GNLY: variants seen among roughly 807,000 people sequenced by gnomAD.
GNLY encodes T-cell activation protein 519.
GNLY carries 15 observed loss-of-function variants against 18.5 expected under a neutral mutation model. The observed-to-expected ratio is 0.81, with a 90% CI of 0.54 to 1.25. GNLY has a LOEUF of 1.25. GNLY is among the 50% of genes most tolerant of loss of function. The pLI, the probability that GNLY is intolerant of heterozygous loss-of-function variation, is 0.00. For synonymous variants in GNLY, 77 were observed against 74.9 expected, an observed-to-expected ratio of 1.03 and a Z score of -0.14; for missense variants, 178 against 186.9, an observed-to-expected ratio of 0.95 and a Z score of 0.28.
chr2:85,697,723 C>T (rs755308594), intron 4 of GNLY, 46 bp downstream of exon 4: 1 of 1,347,130 alleles, frequency 7.4e-7, no homozygotes, highest in South Asian at 1.2e-5. Context: ...GGGTTGGAGA[C>T]AGCTTCCCCC....
intron 1 of GNLY, 184 bp downstream of exon 1, chr2:85,694,654 T>C (rs1678368382): frequency 1.8e-6 from 2 of 1,136,476 alleles, no homozygotes; most frequent in Non-Finnish European, 2.4e-6. Flanking sequence ...CTGCCCAGCC[T>C]GTCACTGGCC....
At chr2:85,698,117 G>C (rs1314699906) in intron 4 of GNLY, among the ~76,000 whole-genome samples, 2 of 152,220 alleles carry the variant, frequency 1.3e-5, no homozygotes, top group Non-Finnish European at 2.9e-5. Context: ...AGGCCCCTGG[G>C]GTCGGGAGCT....
intron 4 of GNLY, among the ~76,000 whole-genome samples, chr2:85,697,987 T>C (rs940112273): frequency 2.0e-5 from 3 of 152,162 alleles, no homozygotes; most frequent in African/African-American, 7.2e-5. Flanking sequence ...ATTTTTGAGA[T>C]TGGAATGAGA....
chr2:85,696,098 T>G, intron 3 of GNLY, 42 bp downstream of exon 3: 1 of 1,136,512 alleles, frequency 8.8e-7, no homozygotes, highest in Non-Finnish European at 1.3e-6. Flanking sequence ...TGCTGCTCAA[T>G]GGAGGGGCCA....
chr2:85,697,400 C>T (rs564397262), intron 3 of GNLY, 106 bp from the exon 4 acceptor site: 2 of 983,828 alleles, frequency 2.0e-6, no homozygotes, highest in East Asian at 2.4e-5. Context: ...GGTGCCAGCT[C>T]CTCGCACCCA....
chr2:85,695,288 C>A (rs571858734), intron 1 of GNLY, 32 bp from the exon 2 acceptor site: 2 of 1,456,574 alleles, frequency 1.4e-6, no homozygotes, highest in Non-Finnish European at 1.9e-6. Flanking sequence ...CTTCCGCCTG[C>A]GGAGGGGAAG....
chr2:85,694,622 G>A, intron 1 of GNLY, 152 bp downstream of exon 1: 1 of 1,045,484 alleles, frequency 9.6e-7, no homozygotes, highest in South Asian at 1.6e-5. Context: ...CCTCCCCTCA[G>A]AGCCAGGCTT....
intron 3 of GNLY, chr2:85,697,286 G>C (rs1255189961): frequency 3.6e-6 from 2 of 555,962 alleles, no homozygotes; most frequent in African/African-American, 3.8e-5. Context: ...AGGGCTAACT[G>C]TCCTTGTCTC....
At chr2:85,695,868 C>A in intron 2 of GNLY, 90 bp from the exon 3 acceptor site, 1 of 727,296 alleles carries the variant, frequency 1.4e-6, no homozygotes, top group Non-Finnish European at 2.4e-6. Flanking sequence ...TCCTGCCGGC[C>A]TCAGAAACAC....
At chr2:85,698,024 A>T (rs1470535726) in intron 4 of GNLY, among the ~76,000 whole-genome samples, 1 of 152,176 alleles carries the variant, frequency 6.6e-6, no homozygotes, top group Non-Finnish European at 1.5e-5. Flanking sequence ...GTGTGTGTGG[A>T]CCTGACCCTG....
intron 1 of GNLY, 95 bp downstream of exon 1, chr2:85,694,565 G>C: frequency 7.7e-7 from 1 of 1,301,398 alleles, no homozygotes; most frequent in East Asian, 2.4e-5. Flanking sequence ...TGGGCACCCA[G>C]GTGCCCCTGC....
At chr2:85,694,623 A>G in intron 1 of GNLY, 153 bp downstream of exon 1, 2 of 1,036,442 alleles carry the variant, frequency 1.9e-6, no homozygotes, top group African/African-American at 1.6e-5. Flanking sequence ...CTCCCCTCAG[A>G]GCCAGGCTTA....
Position 85,698,701 on chromosome 2 carries a change from T to G in GNLY, c.*127T>G, listed in dbSNP as rs779554609. On this transcript the variant is annotated 3_prime_UTR_variant, in exon 5 of 5. Coordinates refer to ENST00000263863, the MANE Select transcript of GNLY (RefSeq NM_006433.5). ...CACTCTCCAGTCTCCCTCCCCTGAC[T>G]CCCTCTGCTGTCCTCCCCTCTCACG... 3.5e-5 allele frequency: 56 copies of G among 1,592,572 alleles called. No individual in the cohort carries two copies. Among genetic ancestry groups the G allele is most frequent in the Admixed American group, 7.0e-5 (4 of 57,260 alleles).
chr2:85,698,477 G>C, intron 4 of GNLY, 87 bp from the exon 5 acceptor site: 1 of 1,607,886 alleles, frequency 6.2e-7, no homozygotes, highest in Non-Finnish European at 8.5e-7. Context: ...GTGGCTCTGG[G>C]ACCTTAAGCA....
Position 85,697,663 on chromosome 2 carries a change from G to A in GNLY, c.413G>A (p.Cys138Tyr), listed in dbSNP as rs1267840990. Reference protein sequence around the residue: ...AQQICEDLRLCIPSTGPL With the variant: ...AQQICEDLRLYIPSTGPL Reference sequence around the variant, plus strand: ...CAGATCTGTGAGGACCTCAGGTTGTGTATACCTTCTACAGGTGAGTGCAGA... The same window carrying A: ...CAGATCTGTGAGGACCTCAGGTTGTATATACCTTCTACAGGTGAGTGCAGA... Residue 138 changes from cysteine (C) to tyrosine (Y), a missense_variant, in exon 4 of 5, where the codon TGT becomes TAT. Transcript: ENST00000263863. 6.2e-7 allele frequency: 1 copy of A among 1,612,702 alleles called. No homozygotes were observed. The highest frequency in any genetic ancestry group is 8.5e-7 in the Non-Finnish European group (1 of 1,178,678).
intron 1 of GNLY, chr2:85,694,701 C>T: frequency 1.4e-6 from 2 of 1,416,414 alleles, no homozygotes; most frequent in Non-Finnish European, 1.9e-6. Flanking sequence ...GATTCTGGTC[C>T]TAACTCTACT....
At chr2:85,695,926 G>C (rs1342374834) in intron 2 of GNLY, 32 bp from the exon 3 acceptor site, 2 of 1,301,186 alleles carry the variant, frequency 1.5e-6, no homozygotes, top group Non-Finnish European at 2.2e-6. Flanking sequence ...GAGTGTCTGA[G>C]AGACCATCAT....
At chr2:85,695,633 C>G (rs949994425) in intron 2 of GNLY, among the ~76,000 whole-genome samples, 1 of 152,178 alleles carries the variant, frequency 6.6e-6, no homozygotes, top group Non-Finnish European at 1.5e-5. Flanking sequence ...CCTCTGGGGT[C>G]TCACCCTCCA....
At chr2:85,694,817 G>T in intron 1 of GNLY, 2 of 1,478,468 alleles carry the variant, frequency 1.4e-6, no homozygotes, top group African/African-American at 1.4e-5. Context: ...CGTTTCCTCG[G>T]GCCTACACTG....
Sources: gnomAD v4.1 joint callset for allele counts (sites outside exome capture counted in the v4.1 genomes callset) on GRCh38, gnomAD v4.1.1 for gene constraint, MANE v1.5 for transcripts, NCBI Gene and HGNC (gene_info 2026-07-23, HGNC 2026-07-21) for gene names.